Variants in BICD1 observed in about 807,000 individuals in gnomAD.
The protein encoded by BICD1 is protein bicaudal D homolog 1.
In BICD1, 35 loss-of-function variants were observed where a neutral mutation model predicts 92.5. The observed-to-expected ratio is 0.38, with a 90% CI of 0.29 to 0.50. The LOEUF is 0.50. Among genes scored for constraint, BICD1 ranks in the 20% least tolerant of loss-of-function variants. The pLI is 0.93. For missense variants in BICD1, 950 were observed against 1,189.8 expected (o/e 0.80, Z 2.97); for synonymous variants, 429 against 465.1 (o/e 0.92, Z 1.00).
intron 8 of BICD1, among the ~76,000 whole-genome samples, chr12:32,358,554 T>TG (rs1555172452): frequency 1.3e-5 from 2 of 151,884 alleles, no homozygotes; most frequent in Non-Finnish European, 2.9e-5. Context: ...CTGGCCAACA[T>TG]GGCGAAACCC....
intron 2 of BICD1, among the ~76,000 whole-genome samples, chr12:32,235,058 T>C (rs1946022721): frequency 6.6e-6 from 1 of 152,146 alleles, no homozygotes; most frequent in East Asian, 1.9e-4. Flanking sequence ...ATCTAGAATA[T>C]AAAAATTTGT....
chr12:32,118,121 G>A (rs1378485949), intron 1 of BICD1, among the ~76,000 whole-genome samples: 4 of 121,438 alleles, frequency 3.3e-5, no homozygotes, highest in Non-Finnish European at 5.3e-5. Context: ...TCACTCTGTC[G>A]CCCAGGCTGG....
intron 4 of BICD1, among the ~76,000 whole-genome samples, chr12:32,319,080 A>G (rs1948581406): frequency 6.6e-6 from 1 of 152,146 alleles, no homozygotes; most frequent in African/African-American, 2.4e-5. Flanking sequence ...AGAGCACGTC[A>G]TCTGCAAATA....
In BICD1 at chr12:32,346,583, C is replaced by T. The variant is rs1370485738; in HGVS notation, c.2764+7604C>T. Among the ~76,000 whole-genome samples, 115 of 26,066 alleles carry T rather than the reference C, an allele frequency of 4.4e-3. 2 individuals are homozygous for T. Among genetic ancestry groups the T allele is most frequent in the Non-Finnish European group, 0.01 (86 of 8,472 alleles). 17.1% of individuals were successfully genotyped at this position (26,066 alleles called of 152,430 possible). A position where few individuals can be genotyped will look rare whatever the true frequency, so the allele number is the denominator to read the frequency against. On this transcript the variant is annotated intron_variant, in intron 8 of 9. Coordinates refer to ENST00000652176, the MANE Select transcript of BICD1 (RefSeq NM_001714.4). ...ATATATATATATATATATATATATA[C>T]GTGTATATATATATATATATATATA...
At chr12:32,346,591 TATATATATATATATATATATAC>T (rs1938612174) in intron 8 of BICD1, among the ~76,000 whole-genome samples, 1 of 9,264 alleles carries the variant, frequency 1.1e-4, no homozygotes, top group Admixed American at 1.4e-3. Flanking sequence ...TACGTGTATA[TATATATATATATATATATATAC>T]GTGTATATAT....
chr12:32,248,382 G>A (rs1013124216), intron 2 of BICD1, among the ~76,000 whole-genome samples: 4 of 152,148 alleles, frequency 2.6e-5, no homozygotes, highest in Non-Finnish European at 4.4e-5. Flanking sequence ...GTGAAAGGCA[G>A]CAGAGGGATG....
At chr12:32,256,413 C>G (rs1946722418) in intron 2 of BICD1, among the ~76,000 whole-genome samples, 1 of 152,146 alleles carries the variant, frequency 6.6e-6, no homozygotes, top group Non-Finnish European at 1.5e-5. Flanking sequence ...TGATTATCAT[C>G]CCCACTTTGG....
intron 1 of BICD1, among the ~76,000 whole-genome samples, chr12:32,189,527 C>A (rs930935702): frequency 6.6e-6 from 1 of 151,958 alleles, no homozygotes; most frequent in Non-Finnish European, 1.5e-5. Flanking sequence ...GGCAAACCAG[C>A]CAAGTATAAC....
intron 1 of BICD1, among the ~76,000 whole-genome samples, chr12:32,169,719 GT>G (rs1380915741): frequency 1.3e-5 from 2 of 152,058 alleles, no homozygotes. Flanking sequence ...GACAGCTTTT[GT>G]TAAAAAGTTC....
chr12:32,245,945 G>A (rs1403073914), intron 2 of BICD1, among the ~76,000 whole-genome samples: 2 of 134,018 alleles, frequency 1.5e-5, no homozygotes, highest in African/African-American at 2.8e-5. Flanking sequence ...TGGGAGAATC[G>A]CTTGAACCCA....
chr12:32,288,772 A>G (rs533770830), intron 2 of BICD1, among the ~76,000 whole-genome samples: 38 of 152,138 alleles, frequency 2.5e-4, no homozygotes, highest in African/African-American at 8.9e-4. Context: ...AGACTGAGGC[A>G]CAAGAATCAC....
chr12:32,266,532 A>T (rs1947002557), intron 2 of BICD1, among the ~76,000 whole-genome samples: 1 of 152,186 alleles, frequency 6.6e-6, no homozygotes, highest in Admixed American at 6.5e-5. Context: ...CGCATCATCT[A>T]AAAGTTATTT....
At chr12:32,247,114 CG>C (rs575472028) in intron 2 of BICD1, among the ~76,000 whole-genome samples, 255 of 151,190 alleles carry the variant, frequency 1.7e-3, no homozygotes, top group African/African-American at 6.0e-3. Context: ...AAAATTAGCC[CG>C]GTATGGTGGT....
chr12:32,180,008 A>AG (rs1944226666), intron 1 of BICD1, among the ~76,000 whole-genome samples: 1 of 150,920 alleles, frequency 6.6e-6, no homozygotes, highest in South Asian at 2.1e-4. Context: ...AAAAAAAAAA[A>AG]TTGGCATGAG....
chr12:32,315,523 GGA>G (rs60319657), intron 4 of BICD1, among the ~76,000 whole-genome samples: 37,056 of 151,920 alleles, frequency 0.24, 4,913 homozygotes, highest in East Asian at 0.59. Context: ...AAATTCTGTT[GGA>G]GTTTGCATTG....
intron 2 of BICD1, among the ~76,000 whole-genome samples, chr12:32,237,781 C>T (rs561780649): frequency 2.0e-4 from 30 of 152,300 alleles, no homozygotes; most frequent in Admixed American, 5.9e-4. Context: ...AATATTACTG[C>T]TCATTGACAG....
At chr12:32,160,220 C>T (rs1943560233) in intron 1 of BICD1, among the ~76,000 whole-genome samples, 2 of 152,204 alleles carry the variant, frequency 1.3e-5, no homozygotes, top group Admixed American at 6.5e-5. Flanking sequence ...TGGAACCAAG[C>T]CCACCTTTGC....
chr12:32,138,250 A>G (rs12426412), intron 1 of BICD1, among the ~76,000 whole-genome samples: 30,975 of 152,164 alleles, frequency 0.2, 3,780 homozygotes, highest in Admixed American at 0.38. Flanking sequence ...TAGATGAGAA[A>G]ATTGCAGCAC....
chr12:32,366,876 C>G (rs955328030), intron 8 of BICD1, among the ~76,000 whole-genome samples: 1 of 152,114 alleles, frequency 6.6e-6, no homozygotes, highest in Non-Finnish European at 1.5e-5. Flanking sequence ...ACAGACTGCT[C>G]TTTGATTTTT....
Sources: allele counts gnomAD v4.1 joint callset (sites outside exome capture counted in the v4.1 genomes callset), GRCh38; gene constraint gnomAD v4.1.1; transcripts MANE v1.5; gene names NCBI Gene and HGNC (gene_info 2026-07-23, HGNC 2026-07-21).